The following CDH23 variants were observed in gnomAD, a reference collection of about 807,000 sequenced individuals.
The protein encoded by CDH23 is cadherin related 23.
Under a neutral mutation model 317.1 loss-of-function variants are expected in CDH23, and 189 were observed. The ratio of observed to expected loss-of-function variants is 0.60; its 90% confidence interval spans 0.53 to 0.67. The LOEUF (loss-of-function observed/expected upper bound fraction) is 0.67, where lower values mean the gene tolerates loss of function less well. Ranked by LOEUF, CDH23 falls within the 30% of genes least tolerant of loss-of-function variation. The pLI is 0.00. For missense variants in CDH23, 4,401 were observed against 4,592.4 expected (o/e 0.96, Z 1.20); for synonymous variants, 1,839 against 1,876.8 (o/e 0.98, Z 0.52).
intron 3 of CDH23, among the ~76,000 whole-genome samples, chr10:71,506,216 T>C (rs1853627362): frequency 6.6e-6 from 1 of 152,186 alleles, no homozygotes; most frequent in Admixed American, 6.5e-5. Context: ...GGATTCGTGG[T>C]TGCCAGGGCT....
chr10:71,528,994 T>C (rs1348438212), intron 6 of CDH23, among the ~76,000 whole-genome samples: 1 of 151,646 alleles, frequency 6.6e-6, no homozygotes, highest in Non-Finnish European at 1.5e-5. Flanking sequence ...CCCTGTTCTA[T>C]GGGAGGGTCT....
At chr10:71,398,551 G>C (rs990145605) in intron 1 of CDH23, among the ~76,000 whole-genome samples, 3 of 151,472 alleles carry the variant, frequency 2.0e-5, no homozygotes, top group Non-Finnish European at 2.9e-5. Context: ...TAAGAACCTA[G>C]TTGGGGCCAG....
At chr10:71,534,986 T>C (rs4423112) in intron 6 of CDH23, among the ~76,000 whole-genome samples, 54,339 of 152,178 alleles carry the variant, frequency 0.36, 10,762 homozygotes, top group African/African-American at 0.52. Context: ...TTCCCCTCCC[T>C]GTGTGGGCTG....
rs373547262 is a variant in CDH23, at chr10:71,784,306, T to C, written c.5388T>C (p.Pro1796=). ...GDPLGEFVIS[P]VEGVLRVRKD... Reference sequence around the variant, plus strand: ...ACCCAGGGGAGTTTGTGATCTCTCCTGTGGAGGGGGTGCTAAGGGTCCGGA... The same window carrying C: ...ACCCAGGGGAGTTTGTGATCTCTCCCGTGGAGGGGGTGCTAAGGGTCCGGA... Residue 1796 remains proline, a synonymous_variant, in exon 42 of 70, where the codon CCT becomes CCC. Transcript: ENST00000224721. 6 of 1,613,686 alleles carry C rather than the reference T, an allele frequency of 3.7e-6. No individual in the cohort carries two copies. The African/African-American group carries it at 6.7e-5, about 18-fold the overall frequency.
At chr10:71,420,632 G>A (rs1848769191) in intron 1 of CDH23, among the ~76,000 whole-genome samples, 1 of 151,130 alleles carries the variant, frequency 6.6e-6, no homozygotes. Context: ...GCACTTATTG[G>A]GAACTTAATA....
Position 71,660,540 on chromosome 10 carries a change from C to T in CDH23, c.1449+13923C>T, listed in dbSNP as rs114381595. 3.5e-3 allele frequency among the ~76,000 whole-genome samples: 540 copies of T among 152,208 alleles called. 4 individuals are homozygous for T. The highest frequency in any genetic ancestry group is 0.013 in the African/African-American group (522 of 41,508). On this transcript the variant is annotated intron_variant, in intron 14 of 69. Transcript: ENST00000224721. Reference sequence around the variant, plus strand: ...GGATGGAGGAAATGAAAAAGGGAACCTCCCCTCCCTTTTAAGGATACCTCC... The same window carrying T: ...GGATGGAGGAAATGAAAAAGGGAACTTCCCCTCCCTTTTAAGGATACCTCC...
At chr10:71,483,575 G>A (rs535497251) in intron 3 of CDH23, among the ~76,000 whole-genome samples, 17 of 152,184 alleles carry the variant, frequency 1.1e-4, no homozygotes, top group African/African-American at 1.9e-4. Flanking sequence ...TAGCTCCCAC[G>A]TGCAAGTGCG....
intron 36 of CDH23, among the ~76,000 whole-genome samples, chr10:71,740,098 G>A (rs898247109): frequency 1.3e-5 from 2 of 152,200 alleles, no homozygotes; most frequent in East Asian, 1.9e-4. Flanking sequence ...TGTGGCCTTG[G>A]ACAGGTTATT....
intron 29 of CDH23, among the ~76,000 whole-genome samples, chr10:71,725,068 G>A (rs1010451180): frequency 6.6e-6 from 1 of 152,238 alleles, no homozygotes; most frequent in African/African-American, 2.4e-5. Flanking sequence ...TGTAGGAGCA[G>A]GGCGAGGGGG....
chr10:71,801,763 G>A (rs1841563969), intron 53 of CDH23, among the ~76,000 whole-genome samples: 1 of 152,202 alleles, frequency 6.6e-6, no homozygotes, highest in Non-Finnish European at 1.5e-5. Flanking sequence ...CTCTTTGGCA[G>A]GTAGAGAGAA....
chr10:71,779,498 C>T, intron 41 of CDH23, 51 bp downstream of exon 41: 3 of 1,474,154 alleles, frequency 2.0e-6, no homozygotes, highest in Non-Finnish European at 9.2e-7. Flanking sequence ...TGCACACCCG[C>T]TCAGGGGAGG....
chr10:71,467,560 T>A (rs1851313208), intron 3 of CDH23, among the ~76,000 whole-genome samples: 2 of 152,088 alleles, frequency 1.3e-5, no homozygotes, highest in Non-Finnish European at 1.5e-5. Context: ...GCCATAGTGG[T>A]TAGGAGCAGA....
chr10:71,641,840 A>C (rs1862564660), intron 11 of CDH23, among the ~76,000 whole-genome samples: 1 of 152,190 alleles, frequency 6.6e-6, no homozygotes, highest in South Asian at 2.1e-4. Flanking sequence ...GCATTTTGGG[A>C]GGCTAAGGAG....
chr10:71,723,082 T>G (rs1866630097), intron 28 of CDH23, among the ~76,000 whole-genome samples: 1 of 152,058 alleles, frequency 6.6e-6, no homozygotes, highest in African/African-American at 2.4e-5. Context: ...GCAGCTCCCA[T>G]GCACACCACA....
rs201589645 is a variant in CDH23 at position 71,709,177 on chromosome 10, C to T, written c.3186C>T (p.Thr1062=). Residue 1062 remains threonine (T), a synonymous_variant, in exon 27 of 70, where the codon ACC becomes ACT. Coordinates refer to ENST00000224721, the MANE Select transcript of CDH23 (RefSeq NM_022124.6). ...VRTVVGLDRE[T]TAAYMLILEA... ...CCGTGGTGGGCCTGGACCGGGAGAC[C>T]ACAGCCGCCTACATGCTCATCCTGG... The T allele has an allele frequency of 3.0e-5, 49 of 1,613,828 alleles. No homozygotes were observed. In the South Asian group the frequency reaches 5.2e-4, roughly 17 times the overall value.
At chr10:71,401,321 G>A (rs1417085328) in intron 1 of CDH23, among the ~76,000 whole-genome samples, 1 of 152,116 alleles carries the variant, frequency 6.6e-6, no homozygotes, top group Non-Finnish European at 1.5e-5. Context: ...ATTCTGCATG[G>A]CTCTGGCCTC....
At chr10:71,456,478 A>T (rs1160167553) in intron 3 of CDH23, among the ~76,000 whole-genome samples, 1 of 143,514 alleles carries the variant, frequency 7.0e-6, no homozygotes, top group Non-Finnish European at 1.5e-5. Context: ...GTCTGGGCAC[A>T]TCTGGAGCCT....
At chr10:71,794,539 A>G (rs1841352035) in intron 48 of CDH23, 1 of 152,238 alleles carries the variant, frequency 6.6e-6, no homozygotes, top group Non-Finnish European at 1.5e-5. Flanking sequence ...GAGTTAGGAA[A>G]GGGACATGGA....
intron 44 of CDH23, among the ~76,000 whole-genome samples, chr10:71,788,046 G>C (rs1292221029): frequency 1.3e-5 from 2 of 152,156 alleles, no homozygotes; most frequent in Non-Finnish European, 2.9e-5. Context: ...ATCCTCACCA[G>C]TGTCTGTTGT....
Sources: gnomAD v4.1 joint callset for allele counts (sites outside exome capture counted in the v4.1 genomes callset) on GRCh38, gnomAD v4.1.1 for gene constraint, MANE v1.5 for transcripts, NCBI Gene and HGNC (gene_info 2026-07-23, HGNC 2026-07-21) for gene names.